The following RARS2 variants were observed in gnomAD, a reference collection of about 807,000 sequenced individuals.
RARS2 encodes the protein probable arginine--tRNA ligase, mitochondrial.
RARS2 carries 67 observed loss-of-function variants against 88.5 expected under a neutral mutation model. That is an observed-to-expected ratio of 0.76 (90% CI 0.62 to 0.93). The LOEUF (loss-of-function observed/expected upper bound fraction) is 0.93, where lower values mean the gene tolerates loss of function less well. Among genes scored for constraint, RARS2 ranks in the 40% least tolerant of loss-of-function variants. RARS2 has a pLI of 0.00. For synonymous variants in RARS2, 239 were observed against 230.3 expected (o/e 1.04, Z -0.34); for missense variants, 664 against 684.2 (o/e 0.97, Z 0.33).
At chr6:87,561,096 A>G (rs543756446) in intron 4 of RARS2, among the ~76,000 whole-genome samples, 1 of 152,322 alleles carries the variant, frequency 6.6e-6, no homozygotes, top group East Asian at 1.9e-4. Context: ...AATGGACTGT[A>G]AAACAGTTAA....
In RARS2 at chr6:87,518,231, A is replaced by G. The variant is rs1172453804; in HGVS notation, c.1449T>C (p.Asn483=). The change falls in exon 17 of 20, where the codon AAT becomes AAC. Residue 483 remains asparagine (N), a synonymous_variant. Coordinates refer to ENST00000369536, the MANE Select transcript of RARS2 (RefSeq NM_020320.5). ...CTTGTAAACAAGCAGTGTTGAAGTCATTCAGGTACCCACATCCAAAAGTCT... is the reference window on the plus strand; with the variant it reads ...CTTGTAAACAAGCAGTGTTGAAGTCGTTCAGGTACCCACATCCAAAAGTCT... ...LEETFGCGYL[N]DFNTACLQEP... is the part of the protein sequence containing the mutation. 2.5e-6 allele frequency: 4 copies of G among 1,614,200 alleles called. No homozygotes were observed. Among genetic ancestry groups the G allele is most frequent in the Admixed American group, 3.3e-5 (2 of 60,030 alleles).
chr6:87,564,535 G>C, intron 2 of RARS2: 1 of 384,632 alleles, frequency 2.6e-6, no homozygotes, highest in South Asian at 2.2e-5. Flanking sequence ...CAGGCATGGT[G>C]GTGTGTACCT....
At chr6:87,563,168 C>T (rs1582716071) in intron 3 of RARS2, among the ~76,000 whole-genome samples, 1 of 152,204 alleles carries the variant, frequency 6.6e-6, no homozygotes, top group Non-Finnish European at 1.5e-5. Context: ...AGGGTCTACG[C>T]TAAAGCACCT....
At chr6:87,557,797 G>T (rs1331289513) in intron 4 of RARS2, among the ~76,000 whole-genome samples, 2 of 152,032 alleles carry the variant, frequency 1.3e-5, no homozygotes, top group Non-Finnish European at 2.9e-5. Flanking sequence ...TCCACCATCT[G>T]CCCTTGACTC....
intron 7 of RARS2, 39 bp downstream of exon 7, chr6:87,545,577 T>G: frequency 6.2e-7 from 1 of 1,612,718 alleles, no homozygotes; most frequent in Non-Finnish European, 8.5e-7. Context: ...AAATTGAATT[T>G]TACAATGAAA....
At chr6:87,516,758 A>C (rs1743718707) in intron 18 of RARS2, 48 bp downstream of exon 18, 1 of 1,605,856 alleles carries the variant, frequency 6.2e-7, no homozygotes, top group Non-Finnish European at 8.5e-7. Flanking sequence ...GATGAAAGAA[A>C]GGTCTCAAAT....
intron 10 of RARS2, among the ~76,000 whole-genome samples, chr6:87,526,747 C>T (rs577336657): frequency 1.7e-4 from 26 of 151,110 alleles, no homozygotes; most frequent in Non-Finnish European, 2.8e-4. Context: ...CGTGGCTCAC[C>T]GCAACCTCTG....
At chr6:87,530,638 C>T (rs998423960) in intron 9 of RARS2, 146 bp downstream of exon 9, 23 of 1,009,230 alleles carry the variant, frequency 2.3e-5, no homozygotes, top group Non-Finnish European at 3.4e-5. Flanking sequence ...GTTCTTTCAG[C>T]CCAAAAAAAA....
At chr6:87,529,454 T>G (rs554777589) in intron 10 of RARS2, 88 bp downstream of exon 10, 1 of 870,818 alleles carries the variant, frequency 1.1e-6, no homozygotes, top group East Asian at 2.4e-5. Flanking sequence ...AGCTGCACAT[T>G]GCATTCTGTT....
intron 4 of RARS2, among the ~76,000 whole-genome samples, chr6:87,560,393 T>C (rs1195929373): frequency 6.6e-6 from 1 of 152,230 alleles, no homozygotes; most frequent in Non-Finnish European, 1.5e-5. Flanking sequence ...GATCATACTT[T>C]CTTTTTTCCC....
At chr6:87,520,528 C>T (rs961834630) in intron 12 of RARS2, among the ~76,000 whole-genome samples, 4 of 152,024 alleles carry the variant, frequency 2.6e-5, no homozygotes, top group African/African-American at 4.8e-5. Flanking sequence ...TCTGCCCTCT[C>T]GGCTATTATG....
chr6:87,559,463 C>CAAAAAAA (rs753856335), intron 4 of RARS2, among the ~76,000 whole-genome samples: 1 of 93,298 alleles, frequency 1.1e-5, no homozygotes, highest in African/African-American at 3.8e-5. Context: ...AACTCTGTCT[C>CAAAAAAA]AAAAAAAAAA....
chr6:87,539,537 C>G (rs867061851), intron 8 of RARS2, among the ~76,000 whole-genome samples: 7 of 152,212 alleles, frequency 4.6e-5, no homozygotes, highest in African/African-American at 1.7e-4. Context: ...CCTTTCTCAG[C>G]ATTTCACAAG....
intron 10 of RARS2, among the ~76,000 whole-genome samples, chr6:87,525,571 A>G (rs1775396478): frequency 6.8e-6 from 1 of 147,918 alleles, no homozygotes; most frequent in African/African-American, 2.5e-5. Flanking sequence ...TTTGAGACGG[A>G]GTCTCACTTT....
At chr6:87,537,884 G>T (rs895780210) in intron 8 of RARS2, among the ~76,000 whole-genome samples, 1 of 152,122 alleles carries the variant, frequency 6.6e-6, no homozygotes, top group Admixed American at 6.5e-5. Context: ...CAGAAATAAC[G>T]ATGGGGCAGA....
intron 10 of RARS2, among the ~76,000 whole-genome samples, chr6:87,527,920 G>A (rs1034427153): frequency 2.0e-5 from 3 of 152,112 alleles, no homozygotes; most frequent in Non-Finnish European, 4.4e-5. Context: ...CGGGGGATGG[G>A]GAGGCGGGAG....
At chr6:87,530,978 A>C (rs755855094) in intron 8 of RARS2, 36 bp from the exon 9 acceptor site, 1 of 1,612,382 alleles carries the variant, frequency 6.2e-7, no homozygotes, top group South Asian at 1.1e-5. Flanking sequence ...GAAGTACATA[A>C]CAGGTCATTG....
At position 87,548,630 on chromosome 6, in the gene RARS2, T is replaced by C; in HGVS notation, c.412A>G (p.Lys138Glu). ...VVEFSSPNVA[K>E]KFHVGHLRST... ...CGCAAATGTCCAACATGAAATTTTT[T>C]GGCAACATTAGGTGAACTGCAAAAA... The change falls in exon 6 of 20, where the codon AAA (lysine) becomes GAA (glutamate). Residue 138 changes from lysine (K) to glutamate (E), a missense_variant. Lys to Glu is a moderately conservative substitution (Grantham distance 56, BLOSUM62 1). Coordinates refer to ENST00000369536, the MANE Select transcript of RARS2 (RefSeq NM_020320.5). 1.2e-6 allele frequency: 2 copies of C among 1,613,152 alleles called. No individual in the cohort carries two copies. Among genetic ancestry groups the C allele is most frequent in the Non-Finnish European group, 1.7e-6 (2 of 1,179,600 alleles).
intron 4 of RARS2, among the ~76,000 whole-genome samples, chr6:87,562,311 A>C (rs955912455): frequency 5.9e-5 from 9 of 152,174 alleles, no homozygotes; most frequent in African/African-American, 2.2e-4. Flanking sequence ...ACAGCATGTC[A>C]CTGTACTGAA....
Sources: gnomAD v4.1 joint callset for allele counts (sites outside exome capture counted in the v4.1 genomes callset) on GRCh38, gnomAD v4.1.1 for gene constraint, MANE v1.5 for transcripts, NCBI Gene and HGNC (gene_info 2026-07-23, HGNC 2026-07-21) for gene names.